LYPD6B: variants seen among roughly 807,000 people sequenced by gnomAD.
The protein encoded by LYPD6B is LY6/PLAUR domain containing 6B.
A neutral mutation model predicts 22.8 loss-of-function variants in LYPD6B; 17 were observed. The observed-to-expected ratio is 0.75, with a 90% CI of 0.51 to 1.12. The LOEUF is 1.12. Among genes scored for constraint, LYPD6B ranks in the 50% most tolerant of loss-of-function variants. LYPD6B has a pLI of 0.00. For synonymous variants in LYPD6B, 106 were observed against 91.6 expected, an observed-to-expected ratio of 1.16 and a Z score of -0.90; for missense variants, 221 against 258.3, an observed-to-expected ratio of 0.86 and a Z score of 0.99.
intron 1 of LYPD6B, chr2:149,068,847 G>A: frequency 5.3e-6 from 2 of 378,948 alleles, no homozygotes; most frequent in Non-Finnish European, 1.1e-5. Flanking sequence ...ACTACTCCAG[G>A]TTTATCGCCT....
Position 149,160,860 on chromosome 2 carries a change from G to GA in LYPD6B, c.77+25_77+26insA, listed in dbSNP as rs759051367. On this transcript the variant is annotated intron_variant, in intron 3 of 6. Coordinates refer to ENST00000409642, the MANE Select transcript of LYPD6B (RefSeq NM_177964.5). The stretch of plus-strand genomic sequence containing the variant: ...GGTAAGAATGGCAGCTGTTACAACA[G>GA]CCCTCGGCTTTTCATTTGGGAGCTC... The GA allele has an allele frequency of 3.3e-6, 5 of 1,515,128 alleles. No individual in the cohort carries two copies. The South Asian group carries it at 6.0e-5, about 18-fold the overall frequency. The allele number at this position is 1,515,128 out of a possible 1,614,324, so 93.9% of individuals were successfully genotyped here. A position where few individuals can be genotyped will look rare whatever the true frequency, so the allele number is the denominator to read the frequency against.
chr2:149,186,455 GT>G (rs1254091777), intron 3 of LYPD6B, among the ~76,000 whole-genome samples: 1 of 152,174 alleles, frequency 6.6e-6, no homozygotes, highest in Non-Finnish European at 1.5e-5. Flanking sequence ...GCAGAGGTGG[GT>G]TCATGAGGAT....
chr2:149,149,641 A>G (rs1286718153), intron 2 of LYPD6B, among the ~76,000 whole-genome samples: 2 of 152,240 alleles, frequency 1.3e-5, no homozygotes, highest in African/African-American at 2.4e-5. Flanking sequence ...CACATGCACC[A>G]TAACGTGTGT....
At position 149,205,316 on chromosome 2, in the gene LYPD6B, T is replaced by C; in HGVS notation, c.141T>C (p.Ala47=). The change falls in exon 4 of 7, where the codon GCT becomes GCC. Residue 47 remains alanine (A), a synonymous_variant. Coordinates refer to ENST00000409642, the MANE Select transcript of LYPD6B (RefSeq NM_177964.5). ...TGCTGCTCCTCTGTCACGCTCTCGC[T>C]ATAGCTGTTGTCCAGATCGTTATCT... ...VSMLLLCHAL[A]IAVVQIVIFS... The C allele has an allele frequency of 2.5e-6, 4 of 1,614,040 alleles. No individual in the cohort carries two copies. Among genetic ancestry groups the C allele is most frequent in the Non-Finnish European group, 2.5e-6 (3 of 1,179,872 alleles).
chr2:149,118,571 A>C (rs931455608), intron 1 of LYPD6B, among the ~76,000 whole-genome samples: 1 of 152,224 alleles, frequency 6.6e-6, no homozygotes, highest in African/African-American at 2.4e-5. Flanking sequence ...TTTGAAGAAA[A>C]CAAATCAGAG....
intron 3 of LYPD6B, among the ~76,000 whole-genome samples, chr2:149,184,902 A>G (rs1021041740): frequency 6.6e-6 from 1 of 152,214 alleles, no homozygotes; most frequent in African/African-American, 2.4e-5. Context: ...TTCCCTGTAC[A>G]AGCATTTTTT....
intron 2 of LYPD6B, among the ~76,000 whole-genome samples, chr2:149,147,473 T>C (rs1008302940): frequency 6.6e-6 from 1 of 152,182 alleles, no homozygotes; most frequent in Admixed American, 6.5e-5. Context: ...TACTGTGTGA[T>C]GCTTTGTTTG....
rs149360496 is a variant in LYPD6B at position 149,103,557 on chromosome 2, A to T, written c.-66-27326A>T. On this transcript the variant is annotated intron_variant, in intron 1 of 6. Coordinates refer to ENST00000409642, the MANE Select transcript of LYPD6B (RefSeq NM_177964.5). ...TTTGCTAAGTTTGGACATATGTAGT[A>T]TAGATCTGTGAAATTATCACCTCAA... 6.2e-4 allele frequency among the ~76,000 whole-genome samples: 95 copies of T among 152,250 alleles called. 1 individual carries two copies. Among genetic ancestry groups the T allele is most frequent in the South Asian group, 2.1e-3 (10 of 4,824 alleles).
At chr2:149,164,610 A>G (rs1690301532) in intron 3 of LYPD6B, among the ~76,000 whole-genome samples, 1 of 152,192 alleles carries the variant, frequency 6.6e-6, no homozygotes. Context: ...AACAAACAAA[A>G]TCCTGTATTC....
intron 3 of LYPD6B, among the ~76,000 whole-genome samples, chr2:149,162,090 T>C (rs1273467096): frequency 6.6e-6 from 1 of 152,164 alleles, no homozygotes; most frequent in African/African-American, 2.4e-5. Flanking sequence ...GAACATTGGG[T>C]CATTTTCCAA....
intron 3 of LYPD6B, among the ~76,000 whole-genome samples, chr2:149,185,403 C>T (rs569181355): frequency 2.0e-5 from 3 of 152,232 alleles, no homozygotes; most frequent in Admixed American, 6.5e-5. Context: ...GTAATTAGAG[C>T]GACTCCCTGA....
chr2:149,199,827 G>A (rs139658791), intron 3 of LYPD6B, among the ~76,000 whole-genome samples: 1 of 152,204 alleles, frequency 6.6e-6, no homozygotes, highest in East Asian at 1.9e-4. Flanking sequence ...AACGCCCAGG[G>A]AAGGTTAGGA....
chr2:149,074,562 G>A (rs1179280568), intron 1 of LYPD6B, among the ~76,000 whole-genome samples: 1 of 152,220 alleles, frequency 6.6e-6, no homozygotes, highest in African/African-American at 2.4e-5. Flanking sequence ...TGTGAATCAA[G>A]GTGTGCTGAT....
At chr2:149,171,528 A>ATT (rs10659168) in intron 3 of LYPD6B, among the ~76,000 whole-genome samples, 44,953 of 143,230 alleles carry the variant, frequency 0.31, 8,570 homozygotes, top group East Asian at 0.55. Context: ...TTGAAGTCTG[A>ATT]TTTTTTTTTT....
intron 1 of LYPD6B, among the ~76,000 whole-genome samples, chr2:149,117,716 G>A (rs73015049): frequency 0.1 from 15,837 of 152,108 alleles, 2,358 homozygotes; most frequent in African/African-American, 0.31. Flanking sequence ...TATATGGTGA[G>A]GGGTCAAGTT....
intron 2 of LYPD6B, among the ~76,000 whole-genome samples, chr2:149,156,293 A>G (rs950448513): frequency 1.3e-5 from 2 of 152,012 alleles, no homozygotes; most frequent in Non-Finnish European, 2.9e-5. Flanking sequence ...GGATTTAGAG[A>G]TTACCCTGCT....
chr2:149,155,042 G>A (rs1218491660), intron 2 of LYPD6B, among the ~76,000 whole-genome samples: 1 of 151,946 alleles, frequency 6.6e-6, no homozygotes, highest in East Asian at 1.9e-4. Flanking sequence ...ATTTACCATC[G>A]AGTTTGAGAT....
chr2:149,046,010 A>T (rs991250639), intron 1 of LYPD6B, among the ~76,000 whole-genome samples: 4 of 151,980 alleles, frequency 2.6e-5, no homozygotes, highest in African/African-American at 9.7e-5. Flanking sequence ...ACAATTGTGG[A>T]TGTATCTATT....
chr2:149,175,170 G>A (rs370438237), intron 3 of LYPD6B, among the ~76,000 whole-genome samples: 4 of 151,804 alleles, frequency 2.6e-5, no homozygotes, highest in African/African-American at 9.7e-5. Context: ...ATCATAGAGT[G>A]CACTCACACA....
Sources: gnomAD v4.1 joint callset for allele counts (sites outside exome capture counted in the v4.1 genomes callset) on GRCh38, gnomAD v4.1.1 for gene constraint, MANE v1.5 for transcripts, NCBI Gene and HGNC (gene_info 2026-07-23, HGNC 2026-07-21) for gene names.